The following MDFIC2 variants were observed in gnomAD, a reference collection of about 807,000 sequenced individuals.
MDFIC2 encodes the protein MyoD family inhibitor domain containing 2, also known as myoD family inhibitor domain-containing protein 2.
chr3:70,247,650 A>G (rs890929792), intron 2 of MDFIC2, among the ~76,000 whole-genome samples: 12 of 151,916 alleles, frequency 7.9e-5, no homozygotes, highest in African/African-American at 2.9e-4. Flanking sequence ...CTAATAGCAC[A>G]AGGTAACTAT....
At chr3:70,242,801 C>A (rs984205367) in intron 2 of MDFIC2, among the ~76,000 whole-genome samples, 1 of 152,062 alleles carries the variant, frequency 6.6e-6, no homozygotes, top group South Asian at 2.1e-4. Flanking sequence ...TTTACACAAG[C>A]ATTGGTAATC....
chr3:70,244,887 T>C (rs1383924453), intron 2 of MDFIC2, among the ~76,000 whole-genome samples: 1 of 152,170 alleles, frequency 6.6e-6, no homozygotes, highest in Admixed American at 6.6e-5. Flanking sequence ...TAATGTACTT[T>C]AAAAAGGAAA....
At chr3:70,261,246 T>TA (rs1701863611) in intron 2 of MDFIC2, among the ~76,000 whole-genome samples, 1 of 152,212 alleles carries the variant, frequency 6.6e-6, no homozygotes, top group African/African-American at 2.4e-5. Flanking sequence ...CTTGGATTCT[T>TA]AAAATCAAAG....
intron 2 of MDFIC2, among the ~76,000 whole-genome samples, chr3:70,257,789 A>C (rs191592424): frequency 6.6e-6 from 1 of 152,230 alleles, no homozygotes; most frequent in African/African-American, 2.4e-5. Context: ...AGCAGCAGGC[A>C]TGTGTAGAAA....
At chr3:70,199,434 T>C (rs1701214062) in intron 3 of MDFIC2, among the ~76,000 whole-genome samples, 1 of 152,214 alleles carries the variant, frequency 6.6e-6, no homozygotes, top group Non-Finnish European at 1.5e-5. Context: ...TGTTTCCTTC[T>C]ACCTCCCTAT....
chr3:70,212,277 G>A (rs1701358907), intron 2 of MDFIC2, among the ~76,000 whole-genome samples: 1 of 152,108 alleles, frequency 6.6e-6, no homozygotes, highest in Non-Finnish European at 1.5e-5. Context: ...ACTTGTAACT[G>A]TCTATTGGAC....
At chr3:70,248,479 A>G (rs1701729789) in intron 2 of MDFIC2, among the ~76,000 whole-genome samples, 1 of 152,066 alleles carries the variant, frequency 6.6e-6, no homozygotes, top group African/African-American at 2.4e-5. Context: ...AGGAAATGGA[A>G]CTTGAAAAGT....
chr3:70,217,000 C>A (rs1001699868), intron 2 of MDFIC2, among the ~76,000 whole-genome samples: 2 of 152,136 alleles, frequency 1.3e-5, no homozygotes, highest in Non-Finnish European at 1.5e-5. Flanking sequence ...AATCTCATAG[C>A]CCTGATCACC....
intron 2 of MDFIC2, among the ~76,000 whole-genome samples, chr3:70,257,507 A>C (rs73119965): frequency 1.9e-3 from 294 of 152,224 alleles, no homozygotes; most frequent in Non-Finnish European, 3.8e-3. Context: ...GAAGGGAAGA[A>C]GGAAGGAAGG....
At chr3:70,241,123 T>C (rs1053955643) in intron 2 of MDFIC2, among the ~76,000 whole-genome samples, 2 of 152,146 alleles carry the variant, frequency 1.3e-5, no homozygotes, top group Non-Finnish European at 2.9e-5. Context: ...TGGAGTACCA[T>C]AAATGACATA....
intron 2 of MDFIC2, among the ~76,000 whole-genome samples, chr3:70,242,812 T>A (rs1355383467): frequency 6.6e-6 from 1 of 152,188 alleles, no homozygotes; most frequent in Non-Finnish European, 1.5e-5. Context: ...ATTGGTAATC[T>A]AATTTTTGTC....
intron 3 of MDFIC2, among the ~76,000 whole-genome samples, chr3:70,199,396 G>A (rs1011399765): frequency 1.4e-4 from 21 of 151,778 alleles, no homozygotes; most frequent in Admixed American, 3.9e-4. Flanking sequence ...AAAAAGTTTT[G>A]GCTTAATCCT....
At chr3:70,220,588 A>G (rs1220098475) in intron 2 of MDFIC2, among the ~76,000 whole-genome samples, 1 of 152,202 alleles carries the variant, frequency 6.6e-6, no homozygotes, top group East Asian at 1.9e-4. Context: ...GGTTGGAAAC[A>G]TAGTCAGGAC....
At chr3:70,206,982 A>G (rs1433527943) in intron 2 of MDFIC2, among the ~76,000 whole-genome samples, 192 bp from the exon 3 acceptor site, 1 of 151,844 alleles carries the variant, frequency 6.6e-6, no homozygotes, top group Non-Finnish European at 1.5e-5. Context: ...ATAAAATTTT[A>G]TACACATTGC....
intron 2 of MDFIC2, among the ~76,000 whole-genome samples, chr3:70,304,976 C>G (rs1009592601): frequency 6.6e-6 from 1 of 152,062 alleles, no homozygotes; most frequent in African/African-American, 2.4e-5. Flanking sequence ...AGGCTGTTCT[C>G]TCCAATGGAA....
chr3:70,214,621 T>C (rs1355725406), intron 2 of MDFIC2, among the ~76,000 whole-genome samples: 1 of 150,226 alleles, frequency 6.7e-6, no homozygotes, highest in African/African-American at 2.5e-5. Context: ...TTTTTTTTTT[T>C]ATCTAACTAT....
intron 2 of MDFIC2, among the ~76,000 whole-genome samples, chr3:70,217,883 A>G (rs950034222): frequency 1.2e-4 from 18 of 152,268 alleles, no homozygotes; most frequent in Admixed American, 6.5e-4. Context: ...ATCAGCATCT[A>G]TCAGGTTAAT....
intron 2 of MDFIC2, among the ~76,000 whole-genome samples, chr3:70,270,443 T>G (rs937487322): frequency 1.3e-5 from 2 of 152,098 alleles, no homozygotes; most frequent in Non-Finnish European, 2.9e-5. Flanking sequence ...AAGCACTAAG[T>G]TTTGTGTTTC....
chr3:70,275,439 C>G (rs1341695259), intron 2 of MDFIC2, among the ~76,000 whole-genome samples: 1 of 152,158 alleles, frequency 6.6e-6, no homozygotes, highest in Non-Finnish European at 1.5e-5. Context: ...TGCTTGAGCC[C>G]AGGAGGTCAA....
Sources: gnomAD v4.1 joint callset for allele counts (sites outside exome capture counted in the v4.1 genomes callset) on GRCh38, gnomAD v4.1.1 for gene constraint, MANE v1.5 for transcripts, NCBI Gene and HGNC (gene_info 2026-07-23, HGNC 2026-07-21) for gene names.